CHSY3: variants seen among roughly 807,000 people sequenced by gnomAD.
The protein encoded by CHSY3 is chondroitin sulfate synthase 3.
CHSY3 carries 35 observed loss-of-function variants against 67.2 expected under a neutral mutation model. The observed-to-expected ratio is 0.52, with a 90% CI of 0.40 to 0.69. The LOEUF (loss-of-function observed/expected upper bound fraction) is 0.69. Ranked by LOEUF, CHSY3 falls within the 30% of genes least tolerant of loss-of-function variation. The pLI is 0.00. For synonymous variants in CHSY3, 474 were observed against 434.7 expected (o/e 1.09, Z -1.12); for missense variants, 1,069 against 1,138.5 (o/e 0.94, Z 0.88).
At chr5:130,066,390 A>G (rs1765887377) in intron 2 of CHSY3, among the ~76,000 whole-genome samples, 1 of 152,210 alleles carries the variant, frequency 6.6e-6, no homozygotes. Flanking sequence ...AAGGAGCATA[A>G]AAGTTAAGTG....
At chr5:130,124,020 A>G (rs1408279967) in intron 2 of CHSY3, among the ~76,000 whole-genome samples, 90 of 128,956 alleles carry the variant, frequency 7.0e-4, no homozygotes, top group African/African-American at 2.5e-3. Context: ...AGCCTGGGTG[A>G]CAGAGCAAGA....
At chr5:130,073,107 G>A (rs10036775) in intron 2 of CHSY3, among the ~76,000 whole-genome samples, 12,039 of 152,052 alleles carry the variant, frequency 0.079, 1,580 homozygotes, top group African/African-American at 0.27. Flanking sequence ...ACTGTTGTTA[G>A]TAGTGTGTTG....
intron 2 of CHSY3, among the ~76,000 whole-genome samples, chr5:130,012,236 A>G (rs1254139802): frequency 6.6e-6 from 1 of 152,240 alleles, no homozygotes; most frequent in Non-Finnish European, 1.5e-5. Context: ...TGGTACTGAT[A>G]CAAAAATAGA....
At chr5:129,973,568 A>C (rs1253749287) in intron 2 of CHSY3, among the ~76,000 whole-genome samples, 1 of 152,216 alleles carries the variant, frequency 6.6e-6, no homozygotes. Flanking sequence ...TTCTCTCCCT[A>C]ATACGCCCCA....
At chr5:130,023,645 C>T (rs978884783) in intron 2 of CHSY3, among the ~76,000 whole-genome samples, 1 of 151,816 alleles carries the variant, frequency 6.6e-6, no homozygotes. Context: ...GTAAAATGTG[C>T]GTAAGAAGTA....
intron 2 of CHSY3, among the ~76,000 whole-genome samples, chr5:130,004,222 G>A (rs1763810666): frequency 6.6e-6 from 1 of 152,120 alleles, no homozygotes; most frequent in Admixed American, 6.6e-5. Context: ...CCATATAGTG[G>A]CCATTCAACC....
At chr5:130,083,289 A>T (rs552590668) in intron 2 of CHSY3, among the ~76,000 whole-genome samples, 1 of 152,012 alleles carries the variant, frequency 6.6e-6, no homozygotes. Flanking sequence ...TTCTCAATTC[A>T]TCTTCCTACG....
At chr5:130,140,953 C>G (rs1768845716) in intron 2 of CHSY3, 1 of 842,412 alleles carries the variant, frequency 1.2e-6, no homozygotes, top group Non-Finnish European at 1.4e-6. Flanking sequence ...CTTACCTGTT[C>G]CATGGCACTC....
At chr5:130,052,887 T>C (rs1242830741) in intron 2 of CHSY3, among the ~76,000 whole-genome samples, 1 of 152,032 alleles carries the variant, frequency 6.6e-6, no homozygotes, top group Non-Finnish European at 1.5e-5. Flanking sequence ...TGGAATATGC[T>C]CCAGTACTAA....
At chr5:130,022,895 A>G (rs1453164305) in intron 2 of CHSY3, among the ~76,000 whole-genome samples, 1 of 152,020 alleles carries the variant, frequency 6.6e-6, no homozygotes, top group Non-Finnish European at 1.5e-5. Context: ...AACTTCCAGT[A>G]AAATGTGAAA....
intron 2 of CHSY3, among the ~76,000 whole-genome samples, chr5:130,049,770 C>CA (rs1765273548): frequency 6.8e-6 from 1 of 146,186 alleles, no homozygotes; most frequent in Non-Finnish European, 1.5e-5. Flanking sequence ...ATCTCCCCAT[C>CA]TTTTTTTTTT....
At chr5:130,009,134 A>G (rs1046204376) in intron 2 of CHSY3, among the ~76,000 whole-genome samples, 3 of 152,184 alleles carry the variant, frequency 2.0e-5, no homozygotes, top group African/African-American at 7.2e-5. Flanking sequence ...ATCGTATACA[A>G]GATGACCATC....
intron 2 of CHSY3, among the ~76,000 whole-genome samples, chr5:130,017,202 C>A (rs1187482221): frequency 6.6e-6 from 1 of 151,470 alleles, no homozygotes; most frequent in Non-Finnish European, 1.5e-5. Context: ...CATTTGTTTG[C>A]ATATTTTATA....
At chr5:130,096,404 C>A (rs1767047762) in intron 2 of CHSY3, among the ~76,000 whole-genome samples, 1 of 152,272 alleles carries the variant, frequency 6.6e-6, no homozygotes, top group South Asian at 2.1e-4. Context: ...ATCTCCTGAC[C>A]TCATAATCCG....
chr5:130,086,243 C>G (rs1766618866), intron 2 of CHSY3, among the ~76,000 whole-genome samples: 1 of 152,016 alleles, frequency 6.6e-6, no homozygotes, highest in Non-Finnish European at 1.5e-5. Context: ...GTGTGGGAGT[C>G]TAAGTCTCTT....
In CHSY3 at chr5:130,124,457, CT is replaced by C. The variant is rs113386866; in HGVS notation, c.1087-59756del. Reference sequence around the variant, plus strand: ...AAATACCAAAAACATACAGAGCGAACTTTTTTTTTTTTTTTTGAGACAGAGT... The same window carrying C: ...AAATACCAAAAACATACAGAGCGAACTTTTTTTTTTTTTTTGAGACAGAGT... On this transcript the variant is annotated intron_variant, in intron 2 of 2. Transcript: ENST00000305031. 5.9e-3 allele frequency among the ~76,000 whole-genome samples: 846 copies of C among 142,530 alleles called. 1 individual carries two copies. Among genetic ancestry groups the C allele is most frequent in the Middle Eastern group, 0.014 (4 of 276 alleles). The allele number at this position is 142,530 out of a possible 152,430, so 93.5% of individuals were successfully genotyped here.
intron 2 of CHSY3, among the ~76,000 whole-genome samples, chr5:130,020,102 C>A (rs576298745): frequency 1.8e-4 from 28 of 152,104 alleles, no homozygotes; most frequent in African/African-American, 6.8e-4. Flanking sequence ...ATAAATTCAA[C>A]CCTCCTATTT....
In CHSY3 at chr5:129,918,472, C is replaced by T. The variant is rs538114626; in HGVS notation, c.1086+10112C>T. Among the ~76,000 whole-genome samples the T allele has an allele frequency of 2.0e-5, 3 of 152,266 alleles. No homozygotes were observed. In the South Asian group the frequency reaches 6.2e-4, roughly 32 times the overall value. ...GGGTAATTTTGATTCTATGCCATCA[C>T]TCTCAACAAATAGTTTTGAGCCCAC... is the stretch of plus-strand genomic sequence containing the variant. On this transcript the variant is annotated intron_variant, in intron 2 of 2. Transcript: ENST00000305031.
intron 2 of CHSY3, among the ~76,000 whole-genome samples, chr5:130,103,830 G>C (rs925584402): frequency 1.3e-5 from 2 of 151,916 alleles, no homozygotes; most frequent in African/African-American, 4.8e-5. Context: ...TATTACCCTA[G>C]TTCTGGCTAT....
Sources: allele counts gnomAD v4.1 joint callset (sites outside exome capture counted in the v4.1 genomes callset), GRCh38; gene constraint gnomAD v4.1.1; transcripts MANE v1.5; gene names NCBI Gene and HGNC (gene_info 2026-07-23, HGNC 2026-07-21).